Variants in MAGI1 observed in about 807,000 individuals in gnomAD.
MAGI1 encodes the protein membrane-associated guanylate kinase, WW and PDZ domain-containing protein 1.
A neutral mutation model predicts 139.9 loss-of-function variants in MAGI1; 58 were observed. The ratio of observed to expected loss-of-function variants is 0.41; its 90% CI spans 0.34 to 0.52. The LOEUF (loss-of-function observed/expected upper bound fraction) is 0.52, where lower values mean the gene tolerates loss of function less well. Among genes scored for constraint, MAGI1 ranks in the 20% least tolerant of loss-of-function variants. The pLI, the probability that MAGI1 is intolerant of heterozygous loss-of-function variation, is 0.12. For missense variants in MAGI1, 1,874 were observed against 1,901.6 expected, an observed-to-expected ratio of 0.99 and a Z score of 0.27; for synonymous variants, 812 against 737.9, an observed-to-expected ratio of 1.10 and a Z score of -1.63.
At chr3:65,659,640 C>G (rs188390295) in intron 1 of MAGI1, among the ~76,000 whole-genome samples, 45 of 152,284 alleles carry the variant, frequency 3.0e-4, no homozygotes, top group African/African-American at 9.1e-4. Context: ...ATGACTTTCT[C>G]CTGAGTAAAC....
chr3:65,680,077 G>A (rs1402641601), intron 1 of MAGI1, among the ~76,000 whole-genome samples: 1 of 152,156 alleles, frequency 6.6e-6, no homozygotes, highest in East Asian at 1.9e-4. Flanking sequence ...TTCTAAGTAT[G>A]GGGACAAGAA....
At chr3:66,025,809 T>C (rs2068228727) in intron 1 of MAGI1, among the ~76,000 whole-genome samples, 1 of 152,200 alleles carries the variant, frequency 6.6e-6, no homozygotes, top group African/African-American at 2.4e-5. Flanking sequence ...TTCTGCCATA[T>C]TAACATATTT....
At chr3:65,811,530 T>C (rs2041232852) in intron 1 of MAGI1, among the ~76,000 whole-genome samples, 1 of 152,180 alleles carries the variant, frequency 6.6e-6, no homozygotes, top group Admixed American at 6.5e-5. Context: ...GCAGAGTCTC[T>C]TTCTAAGGAA....
intron 1 of MAGI1, among the ~76,000 whole-genome samples, chr3:65,738,744 A>G (rs1298436769): frequency 6.6e-6 from 1 of 152,194 alleles, no homozygotes; most frequent in Non-Finnish European, 1.5e-5. Flanking sequence ...GTCGATGAGT[A>G]GCAGTAACAA....
chr3:65,671,512 T>C (rs553383980), intron 1 of MAGI1, among the ~76,000 whole-genome samples: 5 of 152,278 alleles, frequency 3.3e-5, no homozygotes, highest in Non-Finnish European at 7.4e-5. Context: ...AGAAAGAAAG[T>C]AGGGAATTCC....
At chr3:65,491,350 C>A (rs965137989) in intron 3 of MAGI1, among the ~76,000 whole-genome samples, 3 of 152,268 alleles carry the variant, frequency 2.0e-5, no homozygotes, top group Admixed American at 1.3e-4. Flanking sequence ...AAAGAACTGA[C>A]TCCACCTATA....
chr3:65,941,885 G>A (rs925730088), intron 1 of MAGI1, among the ~76,000 whole-genome samples: 3 of 152,112 alleles, frequency 2.0e-5, no homozygotes, highest in Non-Finnish European at 2.9e-5. Flanking sequence ...TCTGCCTCCC[G>A]GGCTCCATTA....
intron 1 of MAGI1, chr3:65,873,037 A>C (rs2059992120): frequency 6.6e-6 from 1 of 152,218 alleles, no homozygotes; most frequent in African/African-American, 2.4e-5. Context: ...TAATATTAAC[A>C]CACTTTATGT....
intron 3 of MAGI1, among the ~76,000 whole-genome samples, chr3:65,486,353 T>C (rs1951636774): frequency 6.6e-6 from 1 of 152,160 alleles, no homozygotes; most frequent in South Asian, 2.1e-4. Flanking sequence ...CCAGAGGCAT[T>C]TGTAAAACAG....
At chr3:65,645,298 C>G (rs2085199689) in intron 1 of MAGI1, among the ~76,000 whole-genome samples, 1 of 151,940 alleles carries the variant, frequency 6.6e-6, no homozygotes, top group Non-Finnish European at 1.5e-5. Flanking sequence ...ATATTGAAAG[C>G]AGTGAGAGAA....
intron 1 of MAGI1, among the ~76,000 whole-genome samples, chr3:65,907,460 C>G (rs570602792): frequency 3.1e-4 from 47 of 152,280 alleles, no homozygotes; most frequent in Admixed American, 2.9e-3. Context: ...CTTATCCCCC[C>G]ACACCCGCCT....
chr3:65,543,501 C>A (rs2107920916), intron 2 of MAGI1, among the ~76,000 whole-genome samples: 1 of 152,218 alleles, frequency 6.6e-6, no homozygotes, highest in Non-Finnish European at 1.5e-5. Flanking sequence ...GGGACCAAAC[C>A]AAATGCCCAT....
At chr3:65,548,509 C>CTTTTTTTTTTTTTTTTTTTTTTTTTT (rs1306099660) in intron 2 of MAGI1, among the ~76,000 whole-genome samples, 2 of 117,368 alleles carry the variant, frequency 1.7e-5, no homozygotes, top group Admixed American at 1.1e-4. Context: ...GCAAACAACA[C>CTTTTTTTTTTTTTTTTTTTTTTTTTT]TCTTTTTTTT....
chr3:65,457,261 T>C (rs951407337), intron 5 of MAGI1, among the ~76,000 whole-genome samples: 2 of 152,224 alleles, frequency 1.3e-5, no homozygotes, highest in South Asian at 2.1e-4. Context: ...TGTAATACTT[T>C]ATGATTGGCT....
intron 1 of MAGI1, among the ~76,000 whole-genome samples, chr3:65,900,715 C>G (rs2061191073): frequency 6.6e-6 from 1 of 152,150 alleles, no homozygotes; most frequent in Non-Finnish European, 1.5e-5. Context: ...TTTTCTTACC[C>G]CTATAGGTTA....
intron 1 of MAGI1, among the ~76,000 whole-genome samples, chr3:65,900,229 T>C (rs1164308668): frequency 6.6e-6 from 1 of 152,210 alleles, no homozygotes; most frequent in African/African-American, 2.4e-5. Context: ...CAGGCATCCT[T>C]GGACTCATTA....
chr3:66,022,908 T>C (rs897836592), intron 1 of MAGI1, among the ~76,000 whole-genome samples: 5 of 152,232 alleles, frequency 3.3e-5, no homozygotes, highest in Non-Finnish European at 5.9e-5. Context: ...GTGACATGGC[T>C]AAACTCTTTA....
chr3:65,379,086 C>CA (rs963760779), intron 17 of MAGI1, 175 bp downstream of exon 17: 2 of 1,389,282 alleles, frequency 1.4e-6, no homozygotes, highest in Non-Finnish European at 2.0e-6. Context: ...TCCCAACCTT[C>CA]AAAAGGGAAA....
chr3:65,673,647 G>C (rs903811865), intron 1 of MAGI1, among the ~76,000 whole-genome samples: 4 of 152,124 alleles, frequency 2.6e-5, no homozygotes, highest in Non-Finnish European at 4.4e-5. Context: ...GGATCTCTAA[G>C]GGTGCTTCCA....
Sources: allele counts gnomAD v4.1 joint callset (sites outside exome capture counted in the v4.1 genomes callset), GRCh38; gene constraint gnomAD v4.1.1; transcripts MANE v1.5; gene names NCBI Gene and HGNC (gene_info 2026-07-23, HGNC 2026-07-21).